TMEM65: variants seen among roughly 807,000 people sequenced by gnomAD.
The protein encoded by TMEM65 is transmembrane protein 65.
Under a neutral mutation model 25.4 loss-of-function variants are expected in TMEM65, and 22 were observed. That is an observed-to-expected ratio of 0.86 (90% CI 0.62 to 1.23). The LOEUF (loss-of-function observed/expected upper bound fraction) is 1.23, where lower values mean the gene tolerates loss of function less well. TMEM65 is among the 50% of genes most tolerant of loss of function. The pLI is 0.00. For missense variants in TMEM65, 262 were observed against 308.2 expected, an observed-to-expected ratio of 0.85 and a Z score of 1.12; for synonymous variants, 132 against 126.2, an observed-to-expected ratio of 1.05 and a Z score of -0.31.
chr8:124,372,177 A>AC lies in TMEM65; in HGVS notation c.-21dup. ...GGACATGGCGAGCTGAGGAGCTGGG[A>AC]CCCCCGCGGCCGTCCGGCAAGGCGG... On this transcript the variant is annotated 5_prime_UTR_variant, in exon 1 of 7. Transcript: ENST00000297632. 2.5e-6 allele frequency: 3 copies of AC among 1,211,382 alleles called. No individual in the cohort carries two copies. The highest frequency in any genetic ancestry group is 3.1e-6 in the Non-Finnish European group (3 of 966,692). The allele number at this position is 1,211,382 out of a possible 1,614,324, so 75.0% of individuals were successfully genotyped here.
At chr8:124,370,392 A>C (rs1814996522) in intron 1 of TMEM65, among the ~76,000 whole-genome samples, 1 of 152,194 alleles carries the variant, frequency 6.6e-6, no homozygotes, top group South Asian at 2.1e-4. Flanking sequence ...GTTCTAGTAC[A>C]TGACTGACTA....
intron 1 of TMEM65, among the ~76,000 whole-genome samples, chr8:124,366,017 T>G (rs1364667037): frequency 2.0e-5 from 3 of 152,128 alleles, no homozygotes; most frequent in Non-Finnish European, 4.4e-5. Flanking sequence ...GGTCAGGAGT[T>G]CCAGACCAGC....
intron 1 of TMEM65, among the ~76,000 whole-genome samples, chr8:124,360,097 C>T (rs543799597): frequency 7.6e-4 from 115 of 152,116 alleles, no homozygotes; most frequent in Admixed American, 2.3e-3. Flanking sequence ...ATGTAGCTGG[C>T]TATTTTGAAA....
At chr8:124,348,237 G>A (rs755342340) in intron 1 of TMEM65, among the ~76,000 whole-genome samples, 2 of 151,490 alleles carry the variant, frequency 1.3e-5, no homozygotes, top group Non-Finnish European at 2.9e-5. Flanking sequence ...GTGAGCCACC[G>A]TGCCTGGCCA....
chr8:124,324,983 TA>T (rs780672244), intron 3 of TMEM65, among the ~76,000 whole-genome samples: 2 of 151,990 alleles, frequency 1.3e-5, no homozygotes, highest in Non-Finnish European at 2.9e-5. Flanking sequence ...AAACTAACCC[TA>T]AAATATAAGT....
At chr8:124,360,300 C>T (rs1386710935) in intron 1 of TMEM65, among the ~76,000 whole-genome samples, 1 of 151,624 alleles carries the variant, frequency 6.6e-6, no homozygotes, top group African/African-American at 2.4e-5. Flanking sequence ...CATGGTGGCG[C>T]GCGCCTGCAG....
In TMEM65 at chr8:124,371,808, G is replaced by A. The variant is rs375828904; in HGVS notation, c.304+46C>T. ...GCTCCCGGTGGGCTGGCGAGAAGAG[G>A]AGGGCGTCGGGGCCCCCGGGCTCGC... On this transcript the variant is annotated intron_variant, in intron 1 of 6. Transcript: ENST00000297632. 865 of 1,480,742 alleles carry A rather than the reference G, an allele frequency of 5.8e-4. 4 individuals carry two copies. In the African/African-American group the frequency reaches 0.011, roughly 19 times the overall value. The allele number at this position is 1,480,742 out of a possible 1,614,324, so 91.7% of individuals were successfully genotyped here.
chr8:124,360,420 A>C, intron 1 of TMEM65, among the ~76,000 whole-genome samples: 1 of 122,702 alleles, frequency 8.1e-6, no homozygotes. Flanking sequence ...ACAGAGGGAG[A>C]CTCTGTCACA....
intron 1 of TMEM65, among the ~76,000 whole-genome samples, chr8:124,369,163 G>A (rs543560822): frequency 6.6e-5 from 10 of 152,254 alleles, no homozygotes; most frequent in African/African-American, 2.4e-4. Context: ...AGGCTGAGCA[G>A]GTAAATTGAA....
intron 1 of TMEM65, among the ~76,000 whole-genome samples, chr8:124,354,702 A>G (rs560842484): frequency 1.2e-4 from 19 of 152,284 alleles, no homozygotes; most frequent in African/African-American, 4.3e-4. Context: ...CACTGAAACT[A>G]TATTACACCT....
intron 1 of TMEM65, among the ~76,000 whole-genome samples, chr8:124,370,820 A>G (rs1046270109): frequency 6.6e-6 from 1 of 152,254 alleles, no homozygotes; most frequent in Non-Finnish European, 1.5e-5. Context: ...TTTGGAATCT[A>G]TGAGATGTTT....
Position 124,350,517 on chromosome 8 carries a change from C to T in TMEM65, c.305-19725G>A, listed in dbSNP as rs556837016. On this transcript the variant is annotated intron_variant, in intron 1 of 6. Transcript: ENST00000297632. Reference sequence around the variant, plus strand: ...CACACACACACACTTCTACCATCACCGTAGCATGTAACCTGAGTTAGATAT... The same window carrying T: ...CACACACACACACTTCTACCATCACTGTAGCATGTAACCTGAGTTAGATAT... Among the ~76,000 whole-genome samples, 44 of 150,408 alleles carry T rather than the reference C, an allele frequency of 2.9e-4. 1 individual carries two copies. The highest frequency in any genetic ancestry group is 1.7e-3 in the Admixed American group (25 of 15,108).
At chr8:124,348,815 G>A (rs1042264143) in intron 1 of TMEM65, among the ~76,000 whole-genome samples, 14 of 152,124 alleles carry the variant, frequency 9.2e-5, no homozygotes, top group Admixed American at 9.2e-4. Context: ...AATTCTTAGA[G>A]ACCATTTGCC....
chr8:124,316,733 C>T (rs1026254391), intron 6 of TMEM65, among the ~76,000 whole-genome samples: 2 of 152,116 alleles, frequency 1.3e-5, no homozygotes, highest in Non-Finnish European at 2.9e-5. Flanking sequence ...AACTTCTGAT[C>T]CCAACTTTAA....
chr8:124,352,110 C>T (rs768704136), intron 1 of TMEM65, among the ~76,000 whole-genome samples: 1 of 152,092 alleles, frequency 6.6e-6, no homozygotes, highest in Admixed American at 6.6e-5. Flanking sequence ...GTCATGATTA[C>T]GATGTACATA....
intron 1 of TMEM65, among the ~76,000 whole-genome samples, chr8:124,356,434 A>T (rs1814782495): frequency 6.6e-6 from 1 of 152,180 alleles, no homozygotes; most frequent in South Asian, 2.1e-4. Context: ...CACATTTCTG[A>T]CTTATGAGTA....
At chr8:124,319,191 T>C (rs976597918) in intron 6 of TMEM65, among the ~76,000 whole-genome samples, 1 of 152,150 alleles carries the variant, frequency 6.6e-6, no homozygotes, top group Non-Finnish European at 1.5e-5. Context: ...CTAACCTAAA[T>C]GCCTACTAGG....
chr8:124,336,848 C>A (rs945218035), intron 1 of TMEM65, among the ~76,000 whole-genome samples: 1 of 151,734 alleles, frequency 6.6e-6, no homozygotes, highest in East Asian at 1.9e-4. Context: ...AAAATTGGTT[C>A]TTTGAAAAGA....
chr8:124,350,610 G>A (rs926321579), intron 1 of TMEM65, among the ~76,000 whole-genome samples: 16 of 151,996 alleles, frequency 1.1e-4, no homozygotes, highest in Non-Finnish European at 2.2e-4. Context: ...ATTTAAGGCT[G>A]TCAAACTATT....
Sources: gnomAD v4.1 joint callset for allele counts (sites outside exome capture counted in the v4.1 genomes callset) on GRCh38, gnomAD v4.1.1 for gene constraint, MANE v1.5 for transcripts, NCBI Gene and HGNC (gene_info 2026-07-23, HGNC 2026-07-21) for gene names.